The following PINX1 variants were observed in gnomAD, a reference collection of about 807,000 sequenced individuals.
PINX1 encodes the protein PIN2 (TERF1) interacting telomerase inhibitor 1.
PINX1 carries 34 observed loss-of-function variants against 25.4 expected under a neutral mutation model. That is an observed-to-expected ratio of 1.34 (90% confidence interval 1.02 to 1.78). The LOEUF is 1.78. PINX1 is among the 40% of genes most tolerant of loss of function. The probability of loss-of-function intolerance (pLI) is 0.00; values close to 1 mark genes in which losing one functional copy is unlikely to be tolerated. For missense variants in PINX1, 592 were observed against 404.9 expected (o/e 1.46, Z -3.97); for synonymous variants, 197 against 147.7 (o/e 1.33, Z -2.42).
intron 3 of PINX1, 98 bp from the exon 4 acceptor site, chr8:10,831,841 TAAG>T (rs1206775410): frequency 1.5e-6 from 1 of 683,744 alleles, no homozygotes; most frequent in African/African-American, 1.8e-5. Context: ...AGTGGTTAAT[TAAG>T]AAATTTTAAA....
intron 6 of PINX1, among the ~76,000 whole-genome samples, chr8:10,774,288 T>A (rs1279073954): frequency 6.6e-6 from 1 of 152,244 alleles, no homozygotes; most frequent in Admixed American, 6.5e-5. Flanking sequence ...TAAGGTCTTT[T>A]TTTTTTTTTT....
intron 5 of PINX1, among the ~76,000 whole-genome samples, chr8:10,825,942 G>C (rs1798024239): frequency 6.6e-6 from 1 of 152,116 alleles, no homozygotes; most frequent in Non-Finnish European, 1.5e-5. Flanking sequence ...ACCTAATCTG[G>C]GTCCCATCTC....
At chr8:10,826,718 G>A (rs1798061638) in intron 4 of PINX1, among the ~76,000 whole-genome samples, 1 of 152,176 alleles carries the variant, frequency 6.6e-6, no homozygotes, top group African/African-American at 2.4e-5. Context: ...ACAAACTCCA[G>A]GGCATTGTGC....
At chr8:10,831,779 T>C (rs1798234576) in intron 3 of PINX1, 36 bp from the exon 4 acceptor site, 1 of 1,222,194 alleles carries the variant, frequency 8.2e-7, no homozygotes, top group Non-Finnish European at 1.2e-6. Flanking sequence ...GAGGTAAGCC[T>C]GTAGTTTACT....
At chr8:10,837,791 G>A (rs1431587232) in intron 1 of PINX1, among the ~76,000 whole-genome samples, 1 of 152,208 alleles carries the variant, frequency 6.6e-6, no homozygotes. Context: ...AAGAGCCAGA[G>A]GCAGAAGTTT....
intron 4 of PINX1, among the ~76,000 whole-genome samples, chr8:10,831,095 C>G (rs148302812): frequency 1.2e-4 from 18 of 152,298 alleles, no homozygotes; most frequent in Non-Finnish European, 2.4e-4. Flanking sequence ...ATACACACCA[C>G]GGAATACTAT....
intron 6 of PINX1, among the ~76,000 whole-genome samples, chr8:10,817,507 G>A (rs1797733803): frequency 6.6e-6 from 1 of 152,160 alleles, no homozygotes; most frequent in African/African-American, 2.4e-5. Context: ...ACATCCACAA[G>A]GATGTCAAAG....
At chr8:10,771,309 T>C (rs971147609) in intron 6 of PINX1, 2 of 152,232 alleles carry the variant, frequency 1.3e-5, no homozygotes, top group South Asian at 2.1e-4. Flanking sequence ...ACTGACCCAG[T>C]CACTCCCTAT....
chr8:10,802,283 G>A (rs925356604), intron 6 of PINX1, among the ~76,000 whole-genome samples: 1 of 152,182 alleles, frequency 6.6e-6, no homozygotes, highest in African/African-American at 2.4e-5. Context: ...GGGAACAATT[G>A]CCAAGGAGAC....
intron 6 of PINX1, among the ~76,000 whole-genome samples, chr8:10,796,601 G>A (rs1177216695): frequency 6.6e-6 from 1 of 152,034 alleles, no homozygotes; most frequent in Non-Finnish European, 1.5e-5. Flanking sequence ...TTAAAATATG[G>A]GAAGTCCTAG....
chr8:10,767,780 G>A (rs1274584336), intron 6 of PINX1, among the ~76,000 whole-genome samples: 4 of 136,886 alleles, frequency 2.9e-5, no homozygotes, highest in Non-Finnish European at 6.3e-5. Context: ...AGACAGGCTC[G>A]GTGACCAGGC....
intron 6 of PINX1, among the ~76,000 whole-genome samples, chr8:10,790,957 G>C (rs180771836): frequency 2.0e-5 from 3 of 151,988 alleles, no homozygotes; most frequent in Non-Finnish European, 4.4e-5. Flanking sequence ...CCGTTGCCTC[G>C]GCTGGAGTAC....
intron 6 of PINX1, among the ~76,000 whole-genome samples, chr8:10,806,137 G>A (rs112534724): frequency 1.7e-5 from 1 of 58,494 alleles, no homozygotes; most frequent in Admixed American, 1.8e-4. Flanking sequence ...TAGTGCTGAG[G>A]GGGTGACGGA....
intron 4 of PINX1, among the ~76,000 whole-genome samples, chr8:10,827,935 A>G (rs1225565756): frequency 1.3e-5 from 2 of 151,290 alleles, no homozygotes; most frequent in Non-Finnish European, 2.9e-5. Flanking sequence ...AAAAAATCCA[A>G]CAAACCAACC....
chr8:10,773,619 G>T (rs753422250), intron 6 of PINX1, among the ~76,000 whole-genome samples: 1 of 152,132 alleles, frequency 6.6e-6, no homozygotes, highest in Non-Finnish European at 1.5e-5. Flanking sequence ...TCATATGAAG[G>T]CCAATGGTAA....
rs1486740084 is a variant in PINX1, at chr8:10,765,467, C to G, written c.921G>C (p.Glu307Asp). The change falls in exon 7 of 7, where the codon GAG becomes GAC. Residue 307 changes from glutamate (E) to aspartate (D), a missense_variant. Physicochemically the swap from Glu to Asp is conservative, Grantham distance 45. Coordinates refer to ENST00000314787, the MANE Select transcript of PINX1 (RefSeq NM_017884.6). ...RGKKKLQKPV[E>D]IAEDATLEET... ...CTTCTAGTGTAGCGTCCTCTGCTAT[C>G]TCTACTGGTTTTTGCAGCTTTTTCT... The G allele has an allele frequency of 1.9e-6, 3 of 1,613,146 alleles. No homozygotes were observed. Among genetic ancestry groups the G allele is most frequent in the African/African-American group, 1.3e-5 (1 of 74,950 alleles).
chr8:10,779,038 T>C (rs1801501527), intron 6 of PINX1, among the ~76,000 whole-genome samples: 1 of 152,186 alleles, frequency 6.6e-6, no homozygotes, highest in South Asian at 2.1e-4. Context: ...TGTTCCTAGG[T>C]TTAGAAAAAT....
chr8:10,829,123 T>C (rs1053281188), intron 4 of PINX1, among the ~76,000 whole-genome samples: 1 of 151,810 alleles, frequency 6.6e-6, no homozygotes, highest in African/African-American at 2.4e-5. Flanking sequence ...CCGTCTCTAT[T>C]AAAAATACAA....
intron 6 of PINX1, among the ~76,000 whole-genome samples, chr8:10,799,025 G>A (rs1445180083): frequency 6.6e-6 from 1 of 152,136 alleles, no homozygotes; most frequent in African/African-American, 2.4e-5. Context: ...TCACAGCAAG[G>A]AAATTAGAGG....
Sources: allele counts gnomAD v4.1 joint callset (sites outside exome capture counted in the v4.1 genomes callset), GRCh38; gene constraint gnomAD v4.1.1; transcripts MANE v1.5; gene names NCBI Gene and HGNC (gene_info 2026-07-23, HGNC 2026-07-21).